The following THNSL1 variants were observed in gnomAD, a reference collection of about 807,000 sequenced individuals.
The protein encoded by THNSL1 is threonine synthase like 1.
In THNSL1, 48 loss-of-function variants were observed where a neutral mutation model predicts 50.4. That is an observed-to-expected ratio of 0.95 (90% CI 0.76 to 1.21). THNSL1 has a LOEUF of 1.21. Ranked by LOEUF, THNSL1 falls within the 50% of genes most tolerant of loss-of-function variation. The probability of loss-of-function intolerance (pLI) is 0.00; values close to 1 mark genes in which losing one functional copy is unlikely to be tolerated. For synonymous variants in THNSL1, 309 were observed against 306.1 expected, an observed-to-expected ratio of 1.01 and a Z score of -0.10; for missense variants, 896 against 871.7, an observed-to-expected ratio of 1.03 and a Z score of -0.35.
At chr10:24,952,480 G>A in the THNSL1 span, 1 of 1,543,378 alleles carries the variant, frequency 6.5e-7, no homozygotes, top group Non-Finnish European at 8.8e-7. The surrounding 1 kb of genome is among the most constrained non-coding windows in gnomAD (Gnocchi z 5.1). Flanking sequence ...AGGGTGCCAG[G>A]GAGGGAGGGG....
chr10:25,006,221 T>C, the THNSL1 span, among the ~76,000 whole-genome samples: 2 of 152,218 alleles, frequency 1.3e-5, no homozygotes, highest in Non-Finnish European at 2.9e-5. Flanking sequence ...TGTTTAGTTA[T>C]GTTATCGTAC....
chr10:24,976,101 G>A, the THNSL1 span, among the ~76,000 whole-genome samples: 2 of 152,156 alleles, frequency 1.3e-5, no homozygotes. Context: ...AGACTGATTG[G>A]AAAAACTCAG....
chr10:24,973,776 CAG>C, the THNSL1 span, among the ~76,000 whole-genome samples: 1 of 151,856 alleles, frequency 6.6e-6, no homozygotes, highest in African/African-American at 2.4e-5. Flanking sequence ...TCTTTTGAGA[CAG>C]AGTCTCCCTC....
chr10:24,972,414 A>G, the THNSL1 span, among the ~76,000 whole-genome samples: 20 of 151,954 alleles, frequency 1.3e-4, no homozygotes, highest in Admixed American at 3.3e-4. Flanking sequence ...AGGCTGAGGC[A>G]GGAGAATCAT....
chr10:25,010,007 T>G, the THNSL1 span, among the ~76,000 whole-genome samples: 1 of 152,116 alleles, frequency 6.6e-6, no homozygotes, highest in Non-Finnish European at 1.5e-5. Context: ...GATGCTGCTA[T>G]AAAGATACCC....
At chr10:25,017,646 G>C (rs1447335287) in intron 1 of THNSL1, among the ~76,000 whole-genome samples, 1 of 144,176 alleles carries the variant, frequency 6.9e-6, no homozygotes, top group African/African-American at 2.6e-5. Flanking sequence ...GTATACAGTT[G>C]ATTTTAATTT....
At chr10:24,952,830 C>T in the THNSL1 span, among the ~76,000 whole-genome samples, 2 of 151,666 alleles carry the variant, frequency 1.3e-5, no homozygotes, top group African/African-American at 4.8e-5. This position sits in a 1 kb window ranked among gnomAD's most constrained non-coding sequence, Gnocchi z 5.1. Flanking sequence ...TACCGCTCCC[C>T]CTGAGCGCGG....
chr10:25,023,072 C>G (rs1316610904), intron 2 of THNSL1, 104 bp from the exon 3 acceptor site: 2 of 721,706 alleles, frequency 2.8e-6, no homozygotes, highest in Non-Finnish European at 4.4e-6. Context: ...GTTTATGTAC[C>G]ATGGGCATGG....
At chr10:24,990,340 C>G in the THNSL1 span, 4 of 1,304,422 alleles carry the variant, frequency 3.1e-6, no homozygotes, top group African/African-American at 3.0e-5. Context: ...TTAACTGTAA[C>G]CCAAAGAGAT....
the THNSL1 span, among the ~76,000 whole-genome samples, chr10:24,996,741 T>C: frequency 7.2e-5 from 11 of 152,358 alleles, no homozygotes; most frequent in South Asian, 2.1e-4. Flanking sequence ...ATATAACTTT[T>C]ATTATCAGCA....
the THNSL1 span, among the ~76,000 whole-genome samples, chr10:24,988,921 G>C: frequency 6.6e-6 from 1 of 151,602 alleles, no homozygotes; most frequent in Non-Finnish European, 1.5e-5. Context: ...GAGGCCAGCC[G>C]GTGGCTTTGT....
chr10:24,967,984 A>G, the THNSL1 span, among the ~76,000 whole-genome samples: 3 of 141,178 alleles, frequency 2.1e-5, no homozygotes, highest in African/African-American at 8.7e-5. Context: ...GTGTGTGTAT[A>G]TATGTGTATG....
chr10:25,016,703 C>G lies in THNSL1; in HGVS notation c.-216+11C>G, dbSNP rs1021589552. On this transcript the variant is annotated intron_variant, in intron 1 of 2. Coordinates refer to ENST00000376356, the MANE Select transcript of THNSL1 (RefSeq NM_024838.5). ...GGGAGCTAGCTGCAGGTACGGTGCT[C>G]CGTCTCCTGTGGAGGCTTTAGCGGC... The G allele has an allele frequency of 6.6e-6, 1 of 152,380 alleles. No homozygotes were observed. The allele number at this position is 152,380 out of a possible 1,614,324, so 9.4% of individuals were successfully genotyped here.
the THNSL1 span, chr10:24,983,015 G>A: frequency 1.3e-5 from 2 of 152,238 alleles, no homozygotes; most frequent in African/African-American, 4.8e-5. Context: ...AGTATGTATA[G>A]CAATCATTTC....
chr10:24,989,547 AG>A, the THNSL1 span, among the ~76,000 whole-genome samples: 2 of 152,226 alleles, frequency 1.3e-5, no homozygotes, highest in African/African-American at 2.4e-5. Flanking sequence ...ATAGATCCAT[AG>A]TACCTCTCAC....
the THNSL1 span, among the ~76,000 whole-genome samples, chr10:24,955,703 G>A: frequency 3.9e-5 from 6 of 152,156 alleles, no homozygotes; most frequent in South Asian, 8.3e-4. Context: ...CCAGCACTTC[G>A]GGAGGCCAAA....
the THNSL1 span, among the ~76,000 whole-genome samples, chr10:24,992,841 A>G: frequency 0.067 from 10,203 of 152,256 alleles, 1,116 homozygotes; most frequent in African/African-American, 0.23. Context: ...CTGGGAGGCC[A>G]GTATTCTGGT....
the THNSL1 span, among the ~76,000 whole-genome samples, chr10:25,001,916 A>T: frequency 6.6e-6 from 1 of 151,848 alleles, no homozygotes; most frequent in African/African-American, 2.4e-5. Context: ...GTAATTTTTG[A>T]TTGGATGCCA....
chr10:24,995,520 G>A, the THNSL1 span: 1 of 852,924 alleles, frequency 1.2e-6, no homozygotes, highest in Non-Finnish European at 1.8e-6. Flanking sequence ...GCAGAAGAAT[G>A]AGAATCAGCA....
Sources: gnomAD v4.1 joint callset for allele counts (sites outside exome capture counted in the v4.1 genomes callset) on GRCh38, gnomAD v4.1.1 for gene constraint, Gnocchi (gnomAD v3.1) non-coding constraint, MANE v1.5 for transcripts, NCBI Gene and HGNC (gene_info 2026-07-23, HGNC 2026-07-21) for gene names.